Variants in AGMO observed in about 807,000 individuals in gnomAD.
AGMO encodes the protein glyceryl-ether monooxygenase.
A neutral mutation model predicts 60.2 loss-of-function variants in AGMO; 75 were observed. The observed-to-expected ratio is 1.25, with a 90% confidence interval of 1.03 to 1.51. The LOEUF is 1.51. Among genes scored for constraint, AGMO ranks in the 40% most tolerant of loss-of-function variants. The probability of loss-of-function intolerance (pLI) is 0.00; values close to 1 mark genes in which losing one functional copy is unlikely to be tolerated. For missense variants in AGMO, 763 were observed against 525.5 expected (o/e 1.45, Z -4.42); for synonymous variants, 261 against 177.1 (o/e 1.47, Z -3.76).
intron 5 of AGMO, among the ~76,000 whole-genome samples, chr7:15,397,191 A>T (rs886556476): frequency 2.6e-5 from 4 of 152,096 alleles, no homozygotes; most frequent in Admixed American, 2.6e-4. Context: ...CGAGAAAGAG[A>T]CGGAGACCCG....
intron 12 of AGMO, among the ~76,000 whole-genome samples, chr7:15,258,418 G>A (rs982649515): frequency 5.3e-5 from 8 of 151,766 alleles, no homozygotes; most frequent in Admixed American, 1.3e-4. Context: ...GGTGGCAGGC[G>A]CCTGTAGTCC....
At position 15,553,377 on chromosome 7, in the gene AGMO, A is replaced by C. The variant is rs180736607; in HGVS notation, c.257+6764T>G. On this transcript the variant is annotated intron_variant, in intron 2 of 12. Transcript: ENST00000342526. ...TAAAATAGAAAAAAAAGAAAGATTA[A>C]AACAAAGTGTAGTAGAAAGTTGAAA... Among the ~76,000 whole-genome samples the C allele has an allele frequency of 3.0e-4, 45 of 152,008 alleles. No homozygotes were observed. In the East Asian group the frequency reaches 7.9e-3, roughly 27 times the overall value.
Position 15,528,664 on chromosome 7 carries a change from T to A in AGMO, c.409+16108A>T, listed in dbSNP as rs746297973. Among the ~76,000 whole-genome samples the A allele has an allele frequency of 2.8e-4, 43 of 152,228 alleles. 1 individual carries two copies. The highest frequency in any genetic ancestry group is 8.5e-4 in the Admixed American group (13 of 15,288). On this transcript the variant is annotated intron_variant, in intron 3 of 12. Transcript: ENST00000342526. ...ACCATTTTTATTTATTTATTTATTTTGAGACGGAGTTTCACTCTTTTTTGC... is the reference window on the plus strand; with the variant it reads ...ACCATTTTTATTTATTTATTTATTTAGAGACGGAGTTTCACTCTTTTTTGC...
intron 12 of AGMO, among the ~76,000 whole-genome samples, chr7:15,250,964 A>T (rs773894568): frequency 3.3e-5 from 5 of 151,976 alleles, no homozygotes; most frequent in African/African-American, 7.3e-5. Flanking sequence ...AAATATATAT[A>T]TATACCTGAA....
chr7:15,238,129 TTC>T lies in AGMO; in HGVS notation c.1264-36772_1264-36771del, dbSNP rs756290297. ...TTGTTCCATTGGAGCTGAGGTCAAT[TTC>T]TCTCTTTTTTTCAGTAGTATTGACC... On this transcript the variant is annotated intron_variant, in intron 12 of 12. Coordinates refer to ENST00000342526, the MANE Select transcript of AGMO (RefSeq NM_001004320.2). Among the ~76,000 whole-genome samples, 9 of 152,166 alleles carry T rather than the reference TTC, an allele frequency of 5.9e-5. No homozygotes were observed. In the South Asian group the frequency reaches 1.9e-3, roughly 32 times the overall value.
intron 3 of AGMO, among the ~76,000 whole-genome samples, chr7:15,488,825 C>T (rs987643282): frequency 7.2e-5 from 11 of 151,930 alleles, no homozygotes; most frequent in Middle Eastern, 6.8e-3. Flanking sequence ...TACAATTAAC[C>T]ATGTGTAAAT....
intron 12 of AGMO, among the ~76,000 whole-genome samples, chr7:15,220,872 A>G (rs1370685939): frequency 6.6e-6 from 1 of 152,114 alleles, no homozygotes; most frequent in Non-Finnish European, 1.5e-5. Flanking sequence ...AAATTAATCT[A>G]ATTTTAAATA....
At chr7:15,334,834 T>C (rs1386736182) in intron 12 of AGMO, among the ~76,000 whole-genome samples, 2 of 152,160 alleles carry the variant, frequency 1.3e-5, no homozygotes, top group Admixed American at 6.6e-5. Context: ...CCATGTGTGC[T>C]ATATTTTAAA....
intron 3 of AGMO, among the ~76,000 whole-genome samples, chr7:15,516,253 A>G (rs148238616): frequency 2.9e-4 from 44 of 152,214 alleles, no homozygotes; most frequent in African/African-American, 1.1e-3. Flanking sequence ...AGAGAGAGAG[A>G]AGGAGAAGAT....
chr7:15,411,864 A>T (rs543764871), intron 5 of AGMO, among the ~76,000 whole-genome samples: 7 of 152,256 alleles, frequency 4.6e-5, no homozygotes, highest in Non-Finnish European at 7.4e-5. Context: ...CCTAAAAAAA[A>T]GTATCTTTAC....
chr7:15,352,130 A>G (rs1056364703), intron 12 of AGMO, among the ~76,000 whole-genome samples: 2 of 152,206 alleles, frequency 1.3e-5, no homozygotes, highest in African/African-American at 4.8e-5. Context: ...CTCTATTTCC[A>G]GTATTTAGAA....
chr7:15,434,985 C>G (rs889855382), intron 3 of AGMO, among the ~76,000 whole-genome samples: 6 of 150,758 alleles, frequency 4.0e-5, no homozygotes, highest in Admixed American at 6.7e-5. Flanking sequence ...AGTCTGTTGT[C>G]TTTTTTCATT....
chr7:15,309,413 G>A (rs1042300768), intron 12 of AGMO, among the ~76,000 whole-genome samples: 37 of 152,080 alleles, frequency 2.4e-4, no homozygotes, highest in African/African-American at 7.2e-4. Flanking sequence ...TATCAAAAGA[G>A]TTATAAAACA....
intron 12 of AGMO, among the ~76,000 whole-genome samples, chr7:15,276,551 C>T (rs1783794356): frequency 6.6e-6 from 1 of 151,998 alleles, no homozygotes; most frequent in South Asian, 2.1e-4. Flanking sequence ...GCAGCTGCTC[C>T]TCAAATTTAT....
the AGMO span, among the ~76,000 whole-genome samples, chr7:15,130,354 G>A: frequency 6.9e-6 from 1 of 144,274 alleles, no homozygotes; most frequent in African/African-American, 2.6e-5. Flanking sequence ...TTTTGTTATT[G>A]TTTTGCTTTT....
At chr7:15,178,894 G>C in the AGMO span, among the ~76,000 whole-genome samples, 16 of 152,142 alleles carry the variant, frequency 1.1e-4, no homozygotes, top group East Asian at 1.4e-3. Flanking sequence ...GTCATCATAC[G>C]GCAGGAAATG....
intron 12 of AGMO, among the ~76,000 whole-genome samples, chr7:15,270,168 G>A (rs1563062997): frequency 6.6e-6 from 1 of 152,014 alleles, no homozygotes; most frequent in Non-Finnish European, 1.5e-5. Context: ...TCTATTTTTA[G>A]TTCTTTGAGA....
chr7:15,359,466 G>A (rs569814934), intron 12 of AGMO, among the ~76,000 whole-genome samples: 1 of 151,960 alleles, frequency 6.6e-6, no homozygotes, highest in African/African-American at 2.4e-5. Flanking sequence ...TTTTTAAAAT[G>A]AAATACCTTA....
At chr7:15,510,916 T>A (rs1011067317) in intron 3 of AGMO, among the ~76,000 whole-genome samples, 2 of 148,424 alleles carry the variant, frequency 1.3e-5, no homozygotes, top group Non-Finnish European at 3.0e-5. Flanking sequence ...TATGTATAAA[T>A]ATATAATATA....
Sources: allele counts gnomAD v4.1 joint callset (sites outside exome capture counted in the v4.1 genomes callset), GRCh38; gene constraint gnomAD v4.1.1; transcripts MANE v1.5; gene names NCBI Gene and HGNC (gene_info 2026-07-23, HGNC 2026-07-21).